C12orf50: variants seen among roughly 807,000 people sequenced by gnomAD.
C12orf50 encodes uncharacterized protein C12orf50.
In C12orf50, 35 loss-of-function variants were observed where a neutral mutation model predicts 61.6. The observed-to-expected ratio is 0.57, with a 90% confidence interval of 0.43 to 0.75. C12orf50 has a LOEUF of 0.75. Among genes scored for constraint, C12orf50 ranks in the 30% least tolerant of loss-of-function variants. C12orf50 has a pLI of 0.00. For missense variants in C12orf50, 475 were observed against 488.5 expected, an observed-to-expected ratio of 0.97 and a Z score of 0.26; for synonymous variants, 178 against 161.5, an observed-to-expected ratio of 1.10 and a Z score of -0.77.
intron 3 of C12orf50, among the ~76,000 whole-genome samples, chr12:88,017,735 T>C (rs2032364570): frequency 6.6e-6 from 1 of 152,174 alleles, no homozygotes; most frequent in Admixed American, 6.5e-5. Flanking sequence ...TATTCTCAGT[T>C]AGAGATGAGG....
At chr12:88,026,321 T>C (rs889550278) in intron 3 of C12orf50, among the ~76,000 whole-genome samples, 167 bp downstream of exon 3, 4 of 152,228 alleles carry the variant, frequency 2.6e-5, no homozygotes, top group Non-Finnish European at 5.9e-5. Context: ...ACTTAATGGT[T>C]CATTCTAAGC....
intron 6 of C12orf50, among the ~76,000 whole-genome samples, chr12:87,995,438 T>C (rs1292553497): frequency 1.3e-5 from 2 of 152,200 alleles, no homozygotes; most frequent in South Asian, 4.1e-4. Context: ...TGTAACTTAT[T>C]CTCTCGAACA....
chr12:88,019,574 A>T (rs531612130), intron 3 of C12orf50, among the ~76,000 whole-genome samples: 1 of 152,236 alleles, frequency 6.6e-6, no homozygotes, highest in South Asian at 2.1e-4. Flanking sequence ...AGTCACTGAC[A>T]TGTGGATCAT....
At chr12:88,013,846 T>C (rs1162592361) in intron 3 of C12orf50, among the ~76,000 whole-genome samples, 2 of 152,152 alleles carry the variant, frequency 1.3e-5, no homozygotes, top group Non-Finnish European at 2.9e-5. Context: ...GAGAACTGTT[T>C]GGTTTTTGGT....
intron 4 of C12orf50, among the ~76,000 whole-genome samples, chr12:87,997,316 C>G (rs968224795): frequency 6.6e-6 from 1 of 152,020 alleles, no homozygotes; most frequent in African/African-American, 2.4e-5. Context: ...AACAGATACA[C>G]TTGTGCATCA....
chr12:87,998,361 G>T (rs1326272595), intron 3 of C12orf50, among the ~76,000 whole-genome samples, 171 bp from the exon 4 acceptor site: 2 of 151,882 alleles, frequency 1.3e-5, no homozygotes, highest in East Asian at 3.9e-4. Flanking sequence ...AACTGAAAAT[G>T]AAATGAAAAA....
chr12:88,027,693 T>C (rs1057431541), intron 1 of C12orf50: 4 of 152,174 alleles, frequency 2.6e-5, no homozygotes, highest in Admixed American at 1.3e-4. Context: ...CCAACAAAAG[T>C]AGATGTGGAT....
chr12:87,994,390 A>C (rs1254442759), intron 7 of C12orf50, among the ~76,000 whole-genome samples: 2 of 151,984 alleles, frequency 1.3e-5, no homozygotes, highest in Non-Finnish European at 2.9e-5. Flanking sequence ...ACATGCACAC[A>C]CACACACAGG....
Position 87,999,584 on chromosome 12 carries a change from C to T in C12orf50, c.134-1394G>A, listed in dbSNP as rs184759182. Among the ~76,000 whole-genome samples, 127 of 152,250 alleles carry T rather than the reference C, an allele frequency of 8.3e-4. 3 individuals are homozygous for T. The highest frequency in any genetic ancestry group is 1.5e-3 in the Admixed American group (23 of 15,290). On this transcript the variant is annotated intron_variant, in intron 3 of 12. Coordinates refer to ENST00000298699, the MANE Select transcript of C12orf50 (RefSeq NM_152589.3). ...CTGCAGTTGGGAATGAAAAATGCTG[C>T]AGCTACTTTAGAAAACAATTAGGCA...
chr12:88,003,517 T>G (rs138256697), intron 3 of C12orf50, among the ~76,000 whole-genome samples: 6 of 152,178 alleles, frequency 3.9e-5, no homozygotes, highest in South Asian at 2.1e-4. Flanking sequence ...TTCTCTCAGT[T>G]TTTGTTTTCT....
intron 11 of C12orf50, chr12:87,984,217 G>A (rs1226188122): frequency 6.6e-6 from 1 of 152,080 alleles, no homozygotes. Flanking sequence ...CATATACTTT[G>A]CCCACTTTTT....
chr12:88,009,009 G>A (rs1195317623), intron 3 of C12orf50, among the ~76,000 whole-genome samples: 1 of 151,990 alleles, frequency 6.6e-6, no homozygotes, highest in Non-Finnish European at 1.5e-5. Flanking sequence ...GTCTAGTATT[G>A]AATGAATGTA....
intron 3 of C12orf50, among the ~76,000 whole-genome samples, chr12:88,018,695 AC>A (rs2032402155): frequency 6.6e-6 from 1 of 152,208 alleles, no homozygotes; most frequent in African/African-American, 2.4e-5. Flanking sequence ...GGGCAGAGCA[AC>A]CCAAGACCAT....
chr12:87,985,678 A>G, intron 11 of C12orf50, 172 bp downstream of exon 11: 1 of 660,014 alleles, frequency 1.5e-6, no homozygotes, highest in South Asian at 1.9e-5. Context: ...TATCCTTTAA[A>G]TCATGTGCAG....
intron 3 of C12orf50, among the ~76,000 whole-genome samples, chr12:88,017,198 G>A (rs557511987): frequency 1.4e-4 from 22 of 152,324 alleles, no homozygotes; most frequent in African/African-American, 5.3e-4. Context: ...TATCATGGAA[G>A]GAACCTGGTG....
intron 11 of C12orf50, 87 bp downstream of exon 11, chr12:87,985,763 A>C: frequency 7.8e-7 from 1 of 1,281,308 alleles, no homozygotes. Flanking sequence ...GGGAGTAAGT[A>C]GTAGTGAAGT....
Position 88,026,479 on chromosome 12 carries a change from T to C in C12orf50, c.133+9A>G. Reference sequence around the variant, plus strand: ...TGGTAAGTCTATGTTATTCAAAAAATGTACTCACTGCTACTTGGTGGCAAA... The same window carrying C: ...TGGTAAGTCTATGTTATTCAAAAAACGTACTCACTGCTACTTGGTGGCAAA... On this transcript the variant is annotated intron_variant, in intron 3 of 12. Coordinates refer to ENST00000298699, the MANE Select transcript of C12orf50 (RefSeq NM_152589.3). 1 of 1,612,908 alleles carries C rather than the reference T, an allele frequency of 6.2e-7. No individual in the cohort carries two copies. The highest frequency in any genetic ancestry group is 8.5e-7 in the Non-Finnish European group (1 of 1,179,640).
intron 1 of C12orf50, among the ~76,000 whole-genome samples, chr12:88,028,357 A>G (rs1031531258): frequency 1.3e-5 from 2 of 152,204 alleles, no homozygotes; most frequent in Non-Finnish European, 2.9e-5. Context: ...GAGAGGAAAC[A>G]CTTGAAACCA....
At chr12:87,984,989 G>T (rs1378546462) in intron 11 of C12orf50, 1 of 151,632 alleles carries the variant, frequency 6.6e-6, no homozygotes, top group Admixed American at 6.6e-5. Flanking sequence ...CTATTTTAAA[G>T]CAAAAAGAAA....
Sources: allele counts gnomAD v4.1 joint callset (sites outside exome capture counted in the v4.1 genomes callset), GRCh38; gene constraint gnomAD v4.1.1; transcripts MANE v1.5; gene names NCBI Gene and HGNC (gene_info 2026-07-23, HGNC 2026-07-21).